UFM1: variants seen among roughly 807,000 people sequenced by gnomAD.
UFM1 encodes ubiquitin fold modifier 1.
UFM1 carries 9 observed loss-of-function variants against 15.4 expected under a neutral mutation model. The ratio of observed to expected loss-of-function variants is 0.59; its 90% CI spans 0.35 to 1.02. The LOEUF (loss-of-function observed/expected upper bound fraction) is 1.02, where lower values mean the gene tolerates loss of function less well. Ranked by LOEUF, UFM1 falls within the 50% of genes least tolerant of loss-of-function variation. The pLI is 0.02. For missense variants in UFM1, 98 were observed against 104.7 expected (o/e 0.94, Z 0.28); for synonymous variants, 27 against 36.3 (o/e 0.74, Z 0.92).
chr13:38,350,223 G>A (rs779839332), intron 2 of UFM1, 168 bp downstream of exon 2: 2 of 1,609,168 alleles, frequency 1.2e-6, no homozygotes, highest in Non-Finnish European at 1.7e-6. Flanking sequence ...AGCCTGCGAG[G>A]AGAGGTCCGT....
At chr13:38,357,485 C>T (rs1879155868) in intron 3 of UFM1, among the ~76,000 whole-genome samples, 1 of 142,044 alleles carries the variant, frequency 7.0e-6, no homozygotes. Context: ...GTCCTAAATA[C>T]AATCAAAAGC....
At chr13:38,352,674 A>G (rs1878915501) in intron 2 of UFM1, among the ~76,000 whole-genome samples, 1 of 152,080 alleles carries the variant, frequency 6.6e-6, no homozygotes. Flanking sequence ...CATTTTTTCT[A>G]ATTTTCTGCC....
At chr13:38,354,596 C>T (rs1879012683) in intron 3 of UFM1, 1 of 230,590 alleles carries the variant, frequency 4.3e-6, no homozygotes, top group African/African-American at 2.3e-5. Flanking sequence ...TAAAATGCAA[C>T]ATTATATCAC....
Position 38,358,111 on chromosome 13 carries a change from A to G in UFM1, c.136A>G (p.Thr46Ala). ...AAEEFKVPAA[T>A]SAIITNDGIG... ...TATTTAGTTTAAAGTTCCTGCTGCAACAAGTGCAATTATTACCAATGGTAA... is the reference window on the plus strand; with the variant it reads ...TATTTAGTTTAAAGTTCCTGCTGCAGCAAGTGCAATTATTACCAATGGTAA... The change falls in exon 4 of 6, where the codon ACA (threonine) becomes GCA (alanine). Residue 46 changes from threonine (T) to alanine (A), a missense_variant. Physicochemically the swap from Thr to Ala is moderately conservative, Grantham distance 58. Transcript: ENST00000239878. 1.4e-6 allele frequency: 2 copies of G among 1,449,736 alleles called. No individual in the cohort carries two copies. The highest frequency in any genetic ancestry group is 1.5e-5 in the African/African-American group (1 of 68,568). The allele number at this position is 1,449,736 out of a possible 1,614,324, so 89.8% of individuals were successfully genotyped here.
At chr13:38,357,927 A>G (rs2150469) in intron 3 of UFM1, among the ~76,000 whole-genome samples, 166 bp from the exon 4 acceptor site, 145,576 of 151,926 alleles carry the variant, frequency 0.96, 69,795 homozygotes, top group East Asian at 0.99. Context: ...ATGTCATTCA[A>G]GGGTCAGCTG....
chr13:38,355,847 G>A (rs1879069342), intron 3 of UFM1, among the ~76,000 whole-genome samples: 1 of 151,826 alleles, frequency 6.6e-6, no homozygotes, highest in South Asian at 2.1e-4. Context: ...GAATCATTCA[G>A]TGAGAACAAA....
Position 38,361,954 on chromosome 13 carries a change from T to A in UFM1, c.*1176T>A, listed in dbSNP as rs1879413038. ...GAAAACAAAGTATCTACTGGCCTTG[T>A]CAACATACAGACTTCAAAATACCCC... On this transcript the variant is annotated 3_prime_UTR_variant, in exon 6 of 6. Coordinates refer to ENST00000239878, the MANE Select transcript of UFM1 (RefSeq NM_016617.4). 1 of 152,230 alleles carries A rather than the reference T, an allele frequency of 6.6e-6. No individual in the cohort carries two copies. Among genetic ancestry groups the A allele is most frequent in the Non-Finnish European group, 1.5e-5 (1 of 68,050 alleles). The allele number at this position is 152,230 out of a possible 1,614,324, so 9.4% of individuals were successfully genotyped here. A position where few individuals can be genotyped will look rare whatever the true frequency, so the allele number is the denominator to read the frequency against.
chr13:38,354,120 C>A (rs767996560), intron 2 of UFM1, 119 bp from the exon 3 acceptor site: 1 of 795,358 alleles, frequency 1.3e-6, no homozygotes, highest in Non-Finnish European at 2.0e-6. Context: ...AAATCACTAA[C>A]TTTGAAACTG....
chr13:38,356,390 T>C (rs1879096320), intron 3 of UFM1, among the ~76,000 whole-genome samples: 1 of 151,868 alleles, frequency 6.6e-6, no homozygotes, highest in Non-Finnish European at 1.5e-5. Flanking sequence ...TTACAGCCTG[T>C]GCAAAATATT....
At chr13:38,359,964 A>AT in intron 5 of UFM1, 1 of 276,594 alleles carries the variant, frequency 3.6e-6, no homozygotes, top group South Asian at 3.3e-5. Context: ...ATGTAACCTC[A>AT]TTCTAGAGCA....
chr13:38,351,012 C>T (rs1878824081), intron 2 of UFM1, among the ~76,000 whole-genome samples: 1 of 152,220 alleles, frequency 6.6e-6, no homozygotes, highest in Admixed American at 6.5e-5. Context: ...AATACATTCT[C>T]TCCTACATGA....
Position 38,360,869 on chromosome 13 carries a change from A to G in UFM1, c.*91A>G. On this transcript the variant is annotated 3_prime_UTR_variant, in exon 6 of 6. Coordinates refer to ENST00000239878, the MANE Select transcript of UFM1 (RefSeq NM_016617.4). ...ATTGAAATCAGGCATTTAACATACT[A>G]TGAAAACACCAGGAGTCAATGATTA... 8 of 1,038,894 alleles carry G rather than the reference A, an allele frequency of 7.7e-6. No individual in the cohort carries two copies. Among genetic ancestry groups the G allele is most frequent in the Middle Eastern group, 3.1e-4 (1 of 3,230 alleles). 64.4% of individuals were successfully genotyped at this position (1,038,894 alleles called of 1,614,324 possible). A position where few individuals can be genotyped will look rare whatever the true frequency, so the allele number is the denominator to read the frequency against.
rs1018659581 is a variant in UFM1 at position 38,361,553 on chromosome 13, G to A, written c.*775G>A. On this transcript the variant is annotated 3_prime_UTR_variant, in exon 6 of 6. Transcript: ENST00000239878. ...CTTCAAGAAACCACTGGTGTTTTGA[G>A]GATAGTATTTCTAAATAGCATTCAG... The A allele has an allele frequency of 6.6e-6, 1 of 152,116 alleles. No individual in the cohort carries two copies. Among genetic ancestry groups the A allele is most frequent in the African/African-American group, 2.4e-5 (1 of 41,414 alleles). The allele number at this position is 152,116 out of a possible 1,614,324, so 9.4% of individuals were successfully genotyped here.
In UFM1 at chr13:38,360,100, GT is replaced by G. The variant is rs747006025; in HGVS notation, c.191-609del. 7.9e-5 allele frequency: 30 copies of G among 378,302 alleles called. No individual in the cohort carries two copies. In the East Asian group the frequency reaches 2.3e-3, roughly 29 times the overall value. The allele number at this position is 378,302 out of a possible 1,614,324, so 23.4% of individuals were successfully genotyped here. A position where few individuals can be genotyped will look rare whatever the true frequency, so the allele number is the denominator to read the frequency against. On this transcript the variant is annotated intron_variant, in intron 5 of 5. Transcript: ENST00000239878. ...AAGTGATTTAAAATTGCAAATTTTT[GT>G]TACTTCAGTAGTTGTTAATATATAA...
intron 5 of UFM1, 164 bp downstream of exon 5, chr13:38,359,497 T>C: frequency 1.6e-6 from 1 of 628,126 alleles, no homozygotes; most frequent in Non-Finnish European, 2.7e-6. Context: ...TAATAAGTTG[T>C]TTCATTGTGT....
intron 3 of UFM1, among the ~76,000 whole-genome samples, chr13:38,356,879 C>T (rs1022864718): frequency 6.6e-6 from 1 of 151,808 alleles, no homozygotes; most frequent in Non-Finnish European, 1.5e-5. Flanking sequence ...GTCCATAGCA[C>T]AAACATGCTT....
At chr13:38,352,915 T>G (rs563783429) in intron 2 of UFM1, among the ~76,000 whole-genome samples, 1 of 152,306 alleles carries the variant, frequency 6.6e-6, no homozygotes, top group South Asian at 2.1e-4. Context: ...GAATCTCAGA[T>G]TCTTAACTAC....
At position 38,358,127 on chromosome 13, in the gene UFM1, C is replaced by A. The variant is rs1879201038; in HGVS notation, c.152C>A (p.Thr51Asn). The change falls in exon 4 of 6, where the codon ACC (threonine) becomes AAC (asparagine). Residue 51 changes from threonine (T) to asparagine (N), a missense_variant. Thr to Asn is a moderately conservative substitution (Grantham distance 65). Transcript: ENST00000239878. The part of the protein sequence containing the change: ...KVPAATSAII[T>N]NDGIGINPAQ... ...CCTGCTGCAACAAGTGCAATTATTA[C>A]CAATGGTAAGAATTCACTATAAAAT... The A allele has an allele frequency of 1.4e-6, 2 of 1,436,212 alleles. No homozygotes were observed. Among genetic ancestry groups the A allele is most frequent in the Admixed American group, 2.3e-5 (1 of 42,792 alleles). The allele number at this position is 1,436,212 out of a possible 1,614,324, so 89.0% of individuals were successfully genotyped here.
At chr13:38,351,683 A>G (rs1171099647) in intron 2 of UFM1, among the ~76,000 whole-genome samples, 1 of 152,222 alleles carries the variant, frequency 6.6e-6, no homozygotes, top group Non-Finnish European at 1.5e-5. Flanking sequence ...ATCAATATGC[A>G]AATGTACTCG....
Sources: allele counts gnomAD v4.1 joint callset (sites outside exome capture counted in the v4.1 genomes callset), GRCh38; gene constraint gnomAD v4.1.1; transcripts MANE v1.5; gene names NCBI Gene and HGNC (gene_info 2026-07-23, HGNC 2026-07-21).